Variants in CACNA1D observed in about 807,000 individuals in gnomAD.
CACNA1D encodes the protein voltage-dependent L-type calcium channel subunit alpha-1D.
Under a neutral mutation model 257.1 loss-of-function variants are expected in CACNA1D, and 55 were observed. The observed-to-expected ratio is 0.21, with a 90% CI of 0.17 to 0.27. The LOEUF (loss-of-function observed/expected upper bound fraction) is 0.27, where lower values mean the gene tolerates loss of function less well. CACNA1D is among the 10% of genes least tolerant of loss of function. CACNA1D has a pLI of 1.00. For synonymous variants in CACNA1D, 980 were observed against 1,014.9 expected, an observed-to-expected ratio of 0.97 and a Z score of 0.65; for missense variants, 1,876 against 2,784.0, an observed-to-expected ratio of 0.67 and a Z score of 7.34.
intron 39 of CACNA1D, 50 bp from the exon 40 acceptor site, chr3:53,786,772 T>A: frequency 3.0e-6 from 4 of 1,316,086 alleles, no homozygotes; most frequent in Non-Finnish European, 4.1e-6. Context: ...GTTTAGGCTC[T>A]TGGTCTAATG....
Position 53,729,115 on chromosome 3 carries a change from C to T in CACNA1D, c.2222-1327C>T, listed in dbSNP as rs974855386. Reference sequence around the variant, plus strand: ...GCCCCTGTCCGAGTTACCATTACCCCAGGCCTAGCAGAGGAATGCTCATGT... The same window carrying T: ...GCCCCTGTCCGAGTTACCATTACCCTAGGCCTAGCAGAGGAATGCTCATGT... On this transcript the variant is annotated intron_variant, in intron 15 of 47. Transcript: ENST00000350061. Among the ~76,000 whole-genome samples the T allele has an allele frequency of 1.6e-4, 24 of 152,320 alleles. No homozygotes were observed. The South Asian group carries it at 4.1e-3, about 26-fold the overall frequency.
At chr3:53,805,296 G>C in intron 45 of CACNA1D, 150 bp downstream of exon 45, 1 of 712,488 alleles carries the variant, frequency 1.4e-6, no homozygotes, top group Non-Finnish European at 2.4e-6. Context: ...GAGTGTGTCT[G>C]CTTTCCTTCC....
chr3:53,799,268 C>T (rs2095523736), intron 40 of CACNA1D, among the ~76,000 whole-genome samples: 1 of 152,220 alleles, frequency 6.6e-6, no homozygotes, highest in African/African-American at 2.4e-5. Flanking sequence ...TACTGTTTTC[C>T]TTCAAACTGG....
At chr3:53,735,843 G>A (rs928451311) in intron 20 of CACNA1D, among the ~76,000 whole-genome samples, 6 of 152,182 alleles carry the variant, frequency 3.9e-5, no homozygotes, top group Non-Finnish European at 7.3e-5. Flanking sequence ...CCCCTGTTTT[G>A]AGATTCATGC....
chr3:53,694,937 G>A (rs1369191092), intron 8 of CACNA1D, among the ~76,000 whole-genome samples: 1 of 152,166 alleles, frequency 6.6e-6, no homozygotes, highest in Non-Finnish European at 1.5e-5. Flanking sequence ...TTGTTCTGCT[G>A]TGTTTGTCTA....
chr3:53,723,021 A>G lies in CACNA1D; in HGVS notation c.1667-413A>G, dbSNP rs2094897199. Among the ~76,000 whole-genome samples, 1 of 152,186 alleles carries G rather than the reference A, an allele frequency of 6.6e-6. No individual in the cohort carries two copies. Among genetic ancestry groups the G allele is most frequent in the South Asian group, 2.1e-4 (1 of 4,830 alleles). Reference sequence around the variant, plus strand: ...ACATTGATAGGTGACTGCTTCTGATATCGTCATGCCATAAATGAATTCAGA... The same window carrying G: ...ACATTGATAGGTGACTGCTTCTGATGTCGTCATGCCATAAATGAATTCAGA... On this transcript the variant is annotated intron_variant, in intron 12 of 47. Coordinates refer to ENST00000350061, the MANE Select transcript of CACNA1D (RefSeq NM_001128840.3). This position sits in a 1 kb window ranked among gnomAD's most constrained non-coding sequence, Gnocchi z 5.6.
At position 53,719,864 on chromosome 3, in the gene CACNA1D, C is replaced by A. The variant is rs2094863090; in HGVS notation, c.1505+83C>A. On this transcript the variant is annotated intron_variant, in intron 11 of 47. Coordinates refer to ENST00000350061, the MANE Select transcript of CACNA1D (RefSeq NM_001128840.3). ...CTTCTGAATTTTACGTAGTATTGCT[C>A]TGGACTTGAGTTTTCCTCTGTGGAT... 2.0e-5 allele frequency: 25 copies of A among 1,255,098 alleles called. No individual in the cohort carries two copies. The South Asian group carries it at 2.3e-4, about 11-fold the overall frequency. The allele number at this position is 1,255,098 out of a possible 1,614,324, so 77.7% of individuals were successfully genotyped here. A position where few individuals can be genotyped will look rare whatever the true frequency, so the allele number is the denominator to read the frequency against.
At chr3:53,513,201 C>A (rs1575718991) in intron 3 of CACNA1D, among the ~76,000 whole-genome samples, 1 of 152,272 alleles carries the variant, frequency 6.6e-6, no homozygotes, top group African/African-American at 2.4e-5. Context: ...ATATAGGGTC[C>A]TGTGCTGAAT....
At chr3:53,809,776 G>A (rs2095586452) in intron 46 of CACNA1D, 1 of 611,206 alleles carries the variant, frequency 1.6e-6, no homozygotes, top group Middle Eastern at 3.4e-4. Context: ...TGGATTCGGG[G>A]TAAAAGAAAG....
Position 53,691,720 on chromosome 3 carries a change from TA to T in CACNA1D, c.1221-10920del, listed in dbSNP as rs1280274203. On this transcript the variant is annotated intron_variant, in intron 8 of 47. Transcript: ENST00000350061. ...TATATTACATATATAATATATATAT[TA>T]CATATATAATATATATATTACATAT... Among the ~76,000 whole-genome samples the T allele has an allele frequency of 1.2e-4, 11 of 89,024 alleles. No homozygotes were observed. The South Asian group carries it at 3.3e-3, about 27-fold the overall frequency. 58.4% of individuals were successfully genotyped at this position (89,024 alleles called of 152,430 possible). A position where few individuals can be genotyped will look rare whatever the true frequency, so the allele number is the denominator to read the frequency against.
chr3:53,718,056 A>G (rs1253867721), intron 9 of CACNA1D, among the ~76,000 whole-genome samples: 1 of 152,156 alleles, frequency 6.6e-6, no homozygotes, highest in East Asian at 1.9e-4. Context: ...GGAAATGTCT[A>G]GGGGGATAGA....
intron 3 of CACNA1D, among the ~76,000 whole-genome samples, chr3:53,620,420 A>G (rs2093683808): frequency 6.6e-6 from 1 of 152,172 alleles, no homozygotes. Flanking sequence ...CCTGCCCAGT[A>G]GCTAGGACTA....
At chr3:53,562,605 A>G (rs758420042) in intron 3 of CACNA1D, among the ~76,000 whole-genome samples, 2 of 152,194 alleles carry the variant, frequency 1.3e-5, no homozygotes, top group African/African-American at 2.4e-5. Context: ...TTAAAAAGCT[A>G]TATGTAACTC....
chr3:53,726,760 G>A, intron 14 of CACNA1D, 119 bp from the exon 15 acceptor site: 1 of 1,207,664 alleles, frequency 8.3e-7, no homozygotes, highest in Admixed American at 1.7e-5. Context: ...GATTTGTTCA[G>A]TGCAAACTGG....
At chr3:53,757,999 G>A (rs1009193970) in intron 29 of CACNA1D, among the ~76,000 whole-genome samples, 15 of 152,148 alleles carry the variant, frequency 9.9e-5, no homozygotes, top group African/African-American at 3.6e-4. Flanking sequence ...TTCTGGCTCT[G>A]TGGTACCTCA....
intron 3 of CACNA1D, among the ~76,000 whole-genome samples, chr3:53,548,544 A>G (rs1267722545): frequency 1.3e-5 from 2 of 152,090 alleles, no homozygotes; most frequent in African/African-American, 4.8e-5. Flanking sequence ...TGGTGCCTTC[A>G]GGTTGCTTGC....
In CACNA1D at chr3:53,781,714, T is replaced by A. The variant is rs752640539; in HGVS notation, c.4792+47T>A. The A allele has an allele frequency of 2.4e-6, 3 of 1,267,752 alleles. No homozygotes were observed. In the East Asian group the frequency reaches 6.9e-5, roughly 29 times the overall value. The allele number at this position is 1,267,752 out of a possible 1,614,324, so 78.5% of individuals were successfully genotyped here. On this transcript the variant is annotated intron_variant, in intron 39 of 47. Coordinates refer to ENST00000350061, the MANE Select transcript of CACNA1D (RefSeq NM_001128840.3). ...AGTAGTCCTTGGCCAGTGCTTTGGT[T>A]TTAATGCTAGTGTCTCCAGAAAGTC... is the stretch of plus-strand genomic sequence containing the variant.
rs141826538 is a variant in CACNA1D, at chr3:53,729,987, G to C, written c.2222-455G>C. On this transcript the variant is annotated intron_variant, in intron 15 of 47. Coordinates refer to ENST00000350061, the MANE Select transcript of CACNA1D (RefSeq NM_001128840.3). ...ATCATTTGAATAACTTGCAACCTTT[G>C]AAGTGGTCTGTTTTGGAAAGCACTC... is the stretch of plus-strand genomic sequence containing the variant. Among the ~76,000 whole-genome samples the C allele has an allele frequency of 3.5e-4, 53 of 152,260 alleles. No homozygotes were observed. In the East Asian group the frequency reaches 9.1e-3, roughly 26 times the overall value.
chr3:53,609,710 C>A (rs1010681832), intron 3 of CACNA1D, among the ~76,000 whole-genome samples: 1 of 151,924 alleles, frequency 6.6e-6, no homozygotes, highest in Admixed American at 6.6e-5. Flanking sequence ...GTTGAAAAAA[C>A]CACCTTTTTC....
Sources: allele counts gnomAD v4.1 joint callset (sites outside exome capture counted in the v4.1 genomes callset), GRCh38; gene constraint gnomAD v4.1.1; non-coding constraint Gnocchi (gnomAD v3.1); transcripts MANE v1.5; gene names NCBI Gene and HGNC (gene_info 2026-07-23, HGNC 2026-07-21).